Variants in CABIN1 observed in about 807,000 individuals in gnomAD.
CABIN1 encodes calcineurin binding protein 1, also known as calcineurin-binding protein cabin-1.
A neutral mutation model predicts 227.7 loss-of-function variants in CABIN1; 133 were observed. The observed-to-expected ratio is 0.58, with a 90% confidence interval of 0.51 to 0.67. CABIN1 has a LOEUF of 0.67. CABIN1 is among the 30% of genes least tolerant of loss of function. The pLI, the probability that CABIN1 is intolerant of heterozygous loss-of-function variation, is 0.00. For synonymous variants in CABIN1, 1,086 were observed against 1,155.1 expected, an observed-to-expected ratio of 0.94 and a Z score of 1.21; for missense variants, 2,408 against 2,852.5, an observed-to-expected ratio of 0.84 and a Z score of 3.55.
At chr22:24,138,802 C>T (rs547282171) in intron 29 of CABIN1, among the ~76,000 whole-genome samples, 151 of 152,240 alleles carry the variant, frequency 9.9e-4, no homozygotes, top group African/African-American at 3.5e-3. Context: ...ACAACTATGT[C>T]AAAATGTTAT....
Position 24,050,924 on chromosome 22 carries a change from G to C in CABIN1, c.756G>C (p.Val252=). The C allele has an allele frequency of 6.2e-7, 1 of 1,614,248 alleles. No homozygotes were observed. The highest frequency in any genetic ancestry group is 8.5e-7 in the Non-Finnish European group (1 of 1,180,044). ...GLRKKRQALI[V]REKEPDLKLV... is the part of the protein sequence containing the mutation. Reference sequence around the variant, plus strand: ...GAAAAAAGAGGCAAGCGCTGATTGTGCGGGAGAAGGAGCCGGACCTGAAAC... The same window carrying C: ...GAAAAAAGAGGCAAGCGCTGATTGTCCGGGAGAAGGAGCCGGACCTGAAAC... The change falls in exon 8 of 37, where the codon GTG becomes GTC. Residue 252 remains valine, a synonymous_variant. Transcript: ENST00000263119.
chr22:24,075,576 C>A (rs1375483636), intron 18 of CABIN1, among the ~76,000 whole-genome samples: 1 of 152,048 alleles, frequency 6.6e-6, no homozygotes, highest in East Asian at 1.9e-4. Context: ...GAAACCCTGT[C>A]TCTACAAAAA....
intron 30 of CABIN1, 114 bp downstream of exon 30, chr22:24,164,677 C>T (rs1479765299): frequency 1.8e-5 from 22 of 1,207,272 alleles, no homozygotes; most frequent in Non-Finnish European, 2.4e-6. Context: ...TGGCTGGGAG[C>T]CTGGACCAGC....
intron 35 of CABIN1, among the ~76,000 whole-genome samples, chr22:24,176,681 A>G (rs576633217): frequency 6.6e-6 from 1 of 152,306 alleles, no homozygotes; most frequent in East Asian, 1.9e-4. Flanking sequence ...AGCAGCAGGC[A>G]GAAGGGTGGA....
At chr22:24,107,100 G>C (rs2042559097) in intron 26 of CABIN1, among the ~76,000 whole-genome samples, 1 of 152,066 alleles carries the variant, frequency 6.6e-6, no homozygotes, top group Non-Finnish European at 1.5e-5. Flanking sequence ...CGGGAACCTT[G>C]GCAAGCACCT....
Position 24,096,038 on chromosome 22 carries a change from C to T in CABIN1, c.3894C>T (p.Pro1298=). ...TTATGAAGGAGGCTGCAGAAGGACC[C>T]TTTGCCAGGGGCGAGGAGAAGAACA... ...VNFMKEAAEG[P]FARGEEKNTP... The change falls in exon 25 of 37, where the codon CCC becomes CCT. Residue 1298 remains proline (P), a synonymous_variant. Coordinates refer to ENST00000263119, the MANE Select transcript of CABIN1 (RefSeq NM_012295.4). The T allele has an allele frequency of 6.2e-7, 1 of 1,614,164 alleles. No individual in the cohort carries two copies. Among genetic ancestry groups the T allele is most frequent in the South Asian group, 1.1e-5 (1 of 91,080 alleles).
At chr22:24,047,654 G>A (rs1423678173) in intron 6 of CABIN1, among the ~76,000 whole-genome samples, 1 of 152,234 alleles carries the variant, frequency 6.6e-6, no homozygotes, top group Non-Finnish European at 1.5e-5. Context: ...TGAGCATTGT[G>A]GCCAGTCTCT....
chr22:24,067,248 C>A, intron 16 of CABIN1, 67 bp downstream of exon 16: 1 of 1,519,960 alleles, frequency 6.6e-7, no homozygotes, highest in South Asian at 1.1e-5. Flanking sequence ...TGTTTATTCT[C>A]TGGAGGTTCT....
chr22:24,162,522 C>G (rs1017717369), intron 29 of CABIN1, among the ~76,000 whole-genome samples: 3 of 152,264 alleles, frequency 2.0e-5, no homozygotes, highest in African/African-American at 7.2e-5. Context: ...GGCACACTAG[C>G]TGGCCTGACC....
At position 24,091,978 on chromosome 22, in the gene CABIN1, A is replaced by C. The variant is rs2041575652; in HGVS notation, c.3786+135A>C. 3.1e-5 allele frequency: 31 copies of C among 1,010,746 alleles called. 3 individuals are homozygous for C. The South Asian group carries it at 4.6e-4, about 15-fold the overall frequency. The allele number at this position is 1,010,746 out of a possible 1,614,324, so 62.6% of individuals were successfully genotyped here. On this transcript the variant is annotated intron_variant, in intron 24 of 36. Transcript: ENST00000263119. ...AAACTTATCTGTGTTGAGCAGCTTC[A>C]TGTGCAATTGAATTAAAACATCATT...
At chr22:24,076,347 A>T in intron 19 of CABIN1, 63 bp downstream of exon 19, 1 of 1,341,122 alleles carries the variant, frequency 7.5e-7, no homozygotes, top group South Asian at 1.2e-5. Context: ...GGGAGGTGGA[A>T]TGGGAAGGGG....
intron 26 of CABIN1, among the ~76,000 whole-genome samples, chr22:24,111,548 C>T (rs372629280): frequency 1.3e-5 from 2 of 152,200 alleles, no homozygotes; most frequent in African/African-American, 4.8e-5. Flanking sequence ...CTCCAGCCCC[C>T]ACAGTCTGTG....
chr22:24,076,263 T>TG lies in CABIN1; in HGVS notation c.2731dup (p.Ala911GlyfsTer20), dbSNP rs1214850923. The TG allele has an allele frequency of 6.2e-7, 1 of 1,613,948 alleles. No homozygotes were observed. The highest frequency in any genetic ancestry group is 8.5e-7 in the Non-Finnish European group (1 of 1,179,956). On this transcript the variant is annotated frameshift_variant, in exon 19 of 37. Coordinates refer to ENST00000263119, the MANE Select transcript of CABIN1 (RefSeq NM_012295.4). LOFTEE classifies it high-confidence loss of function. ...GAAGGTCCTGGTGCTGCAATTCAGATGGGGCTCTGCTGCGATTCTATGTAA... is the reference window on the plus strand; with the variant it reads ...GAAGGTCCTGGTGCTGCAATTCAGATGGGGGCTCTGCTGCGATTCTATGTAA...
chr22:24,042,879 T>C (rs767929683), intron 5 of CABIN1, 25 bp from the exon 6 acceptor site: 13 of 1,450,238 alleles, frequency 9.0e-6, no homozygotes, highest in Non-Finnish European at 1.0e-5. Flanking sequence ...TGTGTGTGTT[T>C]GCCCTCTGCT....
chr22:24,084,961 G>A (rs1475382848), intron 21 of CABIN1, 45 bp from the exon 22 acceptor site: 5 of 1,613,304 alleles, frequency 3.1e-6, no homozygotes, highest in African/African-American at 1.3e-5. Flanking sequence ...TCACATCTGA[G>A]TCCTTGACTC....
intron 28 of CABIN1, among the ~76,000 whole-genome samples, chr22:24,132,681 A>G (rs1356875400): frequency 1.3e-5 from 2 of 152,152 alleles, no homozygotes; most frequent in Admixed American, 6.5e-5. Flanking sequence ...TCCACCTCCC[A>G]GGTTCAAGTG....
rs2036799940 is a variant in CABIN1 at position 24,035,506 on chromosome 22, A to G, written c.-12A>G. 6.2e-7 allele frequency: 1 copy of G among 1,614,072 alleles called. No homozygotes were observed. ...GAAGTGATGCTCGTGGCAGTGCTGA[A>G]TCTCTCTGAATATGGTAAGGACTGA... is the stretch of plus-strand genomic sequence containing the variant. On this transcript the variant is annotated 5_prime_UTR_variant, in exon 2 of 37. Coordinates refer to ENST00000263119, the MANE Select transcript of CABIN1 (RefSeq NM_012295.4).
chr22:24,125,167 G>A (rs1360805683), intron 28 of CABIN1, among the ~76,000 whole-genome samples: 2 of 152,138 alleles, frequency 1.3e-5, no homozygotes, highest in African/African-American at 2.4e-5. Flanking sequence ...TCTTTGGCCC[G>A]GTACCTATAT....
chr22:24,155,951 GCGCCCCGTCCGGCCGCGCCTGCCC>G (rs1332589082), intron 29 of CABIN1: 69 of 515,194 alleles, frequency 1.3e-4, no homozygotes, highest in African/African-American at 1.1e-3. Context: ...TAGAGTGCCG[GCGCCCCGTCCGGCCGCGCCTGCCC>G]CGCCCCGGCC....
Sources: gnomAD v4.1 joint callset for allele counts (sites outside exome capture counted in the v4.1 genomes callset) on GRCh38, gnomAD v4.1.1 for gene constraint, MANE v1.5 for transcripts, NCBI Gene and HGNC (gene_info 2026-07-23, HGNC 2026-07-21) for gene names.